The following SORL1-AS1 variants were observed in gnomAD, a reference collection of about 807,000 sequenced individuals.
SORL1-AS1 encodes SORL1 antisense RNA 1.
chr11:121,438,763 C>T, the SORL1-AS1 span, among the ~76,000 whole-genome samples: 1 of 152,226 alleles, frequency 6.6e-6, no homozygotes, highest in Non-Finnish European at 1.5e-5. Flanking sequence ...TGCGGTGGCT[C>T]ATGCCTGTAA....
the SORL1-AS1 span, among the ~76,000 whole-genome samples, chr11:121,441,639 G>A: frequency 6.6e-6 from 1 of 151,942 alleles, no homozygotes; most frequent in East Asian, 1.9e-4. Flanking sequence ...CAGAAGTGAT[G>A]TGTATGCACT....
At chr11:121,442,156 ATATT>A in the SORL1-AS1 span, among the ~76,000 whole-genome samples, 41 of 152,350 alleles carry the variant, frequency 2.7e-4, no homozygotes, top group African/African-American at 9.6e-4. Flanking sequence ...TATTAAGTAA[ATATT>A]TATTAGCAAC....
In SORL1-AS1 at chr11:121,452,731, C is replaced by T. The variant is rs1429176399; in HGVS notation, n.283G>A. On this transcript the variant is annotated non_coding_transcript_exon_variant, in exon 1 of 2. Transcript: ENST00000501964. This position sits in a 1 kb window ranked among gnomAD's most constrained non-coding sequence, Gnocchi z 5.3. ...GGTGCAGGCACCACTGGGGACTTCC[C>T]GGCTTGCATTTGTTTTTTTCCTTCA... is the stretch of plus-strand genomic sequence containing the variant. 1.1e-6 allele frequency: 1 copy of T among 928,426 alleles called. No individual in the cohort carries two copies. Among genetic ancestry groups the T allele is most frequent in the Non-Finnish European group, 1.5e-6 (1 of 673,510 alleles). The allele number at this position is 928,426 out of a possible 1,614,324, so 57.5% of individuals were successfully genotyped here.
At chr11:121,439,587 C>T in the SORL1-AS1 span, among the ~76,000 whole-genome samples, 1 of 151,988 alleles carries the variant, frequency 6.6e-6, no homozygotes. Flanking sequence ...TGATCTTCAG[C>T]AGCTTTGTCG....
downstream of SORL1-AS1, among the ~76,000 whole-genome samples, chr11:121,444,158 A>G (rs575089437): frequency 6.6e-5 from 10 of 152,172 alleles, no homozygotes; most frequent in Admixed American, 5.2e-4. Flanking sequence ...TTAATTTATA[A>G]AAACTAATCT....
Position 121,452,462 on chromosome 11 carries a change from A to G in SORL1-AS1, n.339+213T>C, listed in dbSNP as rs1276253218. On this transcript the variant is annotated intron_variant and non_coding_transcript_variant, in intron 1 of 1. Transcript: ENST00000501964. This position sits in a 1 kb window ranked among gnomAD's most constrained non-coding sequence, Gnocchi z 5.3. ...CACGGCGGCAGCGCGCCCTTGCCCC[A>G]GGACCGGGGCTTCCTCGTGGTGCAG... is the stretch of plus-strand genomic sequence containing the variant. 3.3e-6 allele frequency: 5 copies of G among 1,507,628 alleles called. No homozygotes were observed. The highest frequency in any genetic ancestry group is 1.2e-5 in the South Asian group (1 of 80,328). 93.4% of individuals were successfully genotyped at this position (1,507,628 alleles called of 1,614,324 possible).
chr11:121,452,643 T>G lies in SORL1-AS1; in HGVS notation n.339+32A>C. On this transcript the variant is annotated intron_variant and non_coding_transcript_variant, in intron 1 of 1. Coordinates refer to ENST00000501964, the Ensembl canonical transcript of SORL1-AS1. This position sits in a 1 kb window ranked among gnomAD's most constrained non-coding sequence, Gnocchi z 5.3. ...TGAGCAGTTTTGCAACCCGCCTCCC[T>G]CCAGTTTTTTCCTCTCCCTGCACTT... The G allele has an allele frequency of 4.2e-6, 6 of 1,423,600 alleles. No individual in the cohort carries two copies. The highest frequency in any genetic ancestry group is 5.5e-6 in the Non-Finnish European group (6 of 1,090,930). The allele number at this position is 1,423,600 out of a possible 1,614,324, so 88.2% of individuals were successfully genotyped here. A position where few individuals can be genotyped will look rare whatever the true frequency, so the allele number is the denominator to read the frequency against.
chr11:121,441,391 C>A, the SORL1-AS1 span, among the ~76,000 whole-genome samples: 2 of 150,936 alleles, frequency 1.3e-5, no homozygotes, highest in African/African-American at 4.9e-5. Context: ...ATTAGCTGGG[C>A]GTGGTGGTGG....
Position 121,452,935 on chromosome 11 carries a change from C to T in SORL1-AS1, n.79G>A, listed in dbSNP as rs1207319862. ...CTTCATTTTACATCTGGATAAAAAA[C>T]GGGCTTTCTTTAGTGTATCATCAGT... On this transcript the variant is annotated non_coding_transcript_exon_variant, in exon 1 of 2. Transcript: ENST00000501964. The surrounding 1 kb of genome is among the most constrained non-coding windows in gnomAD (Gnocchi z 5.3). 1.7e-5 allele frequency: 5 copies of T among 288,956 alleles called. No individual in the cohort carries two copies. In the East Asian group the frequency reaches 2.3e-4, roughly 13 times the overall value. The allele number at this position is 288,956 out of a possible 1,614,324, so 17.9% of individuals were successfully genotyped here.
chr11:121,446,754 GAA>G (rs552381479), downstream of SORL1-AS1, among the ~76,000 whole-genome samples: 4 of 94,418 alleles, frequency 4.2e-5, no homozygotes, highest in African/African-American at 7.7e-5. Flanking sequence ...CTTAAGAGAA[GAA>G]AAAAAAAAAA....
At chr11:121,443,461 T>C (rs1860687927), downstream of SORL1-AS1, among the ~76,000 whole-genome samples, 1 of 152,276 alleles carries the variant, frequency 6.6e-6, no homozygotes, top group African/African-American at 2.4e-5. Context: ...CATGGTTTTA[T>C]ACCACTCTCC....
chr11:121,452,570 A>C lies in SORL1-AS1; in HGVS notation n.339+105T>G. On this transcript the variant is annotated intron_variant and non_coding_transcript_variant, in intron 1 of 1. Transcript: ENST00000501964. This position sits in a 1 kb window ranked among gnomAD's most constrained non-coding sequence, Gnocchi z 5.3. ...GCGGACGAGAAGCCGCTCCGGAGGA[A>C]ACGGAGCGCTGCCCTGCAGCCCGAG... 1.3e-6 allele frequency: 2 copies of C among 1,520,406 alleles called. No individual in the cohort carries two copies. The highest frequency in any genetic ancestry group is 1.8e-6 in the Non-Finnish European group (2 of 1,141,972). The allele number at this position is 1,520,406 out of a possible 1,614,324, so 94.2% of individuals were successfully genotyped here.
At chr11:121,446,824 C>G (rs1860731114), downstream of SORL1-AS1, among the ~76,000 whole-genome samples, 1 of 151,950 alleles carries the variant, frequency 6.6e-6, no homozygotes, top group Non-Finnish European at 1.5e-5. Flanking sequence ...TCTGCTTTCC[C>G]TGTCTTGCTG....
intron 1 of SORL1-AS1, among the ~76,000 whole-genome samples, chr11:121,451,791 C>T (rs1358838257): frequency 6.6e-6 from 1 of 152,146 alleles, no homozygotes; most frequent in East Asian, 1.9e-4. Context: ...GGAGCTAATT[C>T]TGTGGCTCTG....
chr11:121,445,885 C>T (rs1311859089), downstream of SORL1-AS1, among the ~76,000 whole-genome samples: 1 of 151,998 alleles, frequency 6.6e-6, no homozygotes, highest in African/African-American at 2.4e-5. Context: ...GGCATTTGAA[C>T]CTATTATTGG....
At chr11:121,446,409 T>C (rs935912377), downstream of SORL1-AS1, among the ~76,000 whole-genome samples, 2 of 152,090 alleles carry the variant, frequency 1.3e-5, no homozygotes, top group African/African-American at 4.8e-5. Context: ...TCTCAATCTG[T>C]TCTGACTGGA....
the SORL1-AS1 span, among the ~76,000 whole-genome samples, chr11:121,441,530 C>CATAAAAAAA: frequency 1.9e-5 from 1 of 52,390 alleles, no homozygotes; most frequent in Non-Finnish European, 3.6e-5. Flanking sequence ...GACTCTGTCT[C>CATAAAAAAA]AAAAAAAAAA....
the SORL1-AS1 span, among the ~76,000 whole-genome samples, chr11:121,438,893 G>C: frequency 6.6e-6 from 1 of 152,162 alleles, no homozygotes; most frequent in Non-Finnish European, 1.5e-5. Context: ...AGGTGTGGTG[G>C]CACGTGCCTG....
At chr11:121,441,059 T>G in the SORL1-AS1 span, among the ~76,000 whole-genome samples, 77 of 152,332 alleles carry the variant, frequency 5.1e-4, no homozygotes, top group African/African-American at 1.8e-3. Context: ...TTTCAATGTT[T>G]TAGAAGCGAG....
Sources: gnomAD v4.1 joint callset for allele counts (sites outside exome capture counted in the v4.1 genomes callset) on GRCh38, gnomAD v4.1.1 for gene constraint, Gnocchi (gnomAD v3.1) non-coding constraint, MANE v1.5 for transcripts, NCBI Gene and HGNC (gene_info 2026-07-23, HGNC 2026-07-21) for gene names.